Variants in CADM2 observed in about 807,000 individuals in gnomAD.
CADM2 encodes the protein immunoglobulin superfamily member 4D.
Under a neutral mutation model 49.8 loss-of-function variants are expected in CADM2, and 12 were observed. The ratio of observed to expected loss-of-function variants is 0.24; its 90% CI spans 0.15 to 0.39. CADM2 has a LOEUF of 0.39. CADM2 is among the 10% of genes least tolerant of loss of function. The probability of loss-of-function intolerance (pLI) is 1.00; values close to 1 mark genes in which losing one functional copy is unlikely to be tolerated. For missense variants in CADM2, 378 were observed against 492.3 expected (o/e 0.77, Z 2.20); for synonymous variants, 214 against 175.4 (o/e 1.22, Z -1.74).
chr3:85,015,868 C>T (rs538516276), intron 1 of CADM2, among the ~76,000 whole-genome samples: 3 of 152,046 alleles, frequency 2.0e-5, no homozygotes, highest in South Asian at 2.1e-4. Context: ...AGCAGGAATG[C>T]GAAGGCCTGG....
intron 2 of CADM2, among the ~76,000 whole-genome samples, chr3:85,756,102 G>A (rs1355938433): frequency 6.6e-6 from 1 of 152,052 alleles, no homozygotes; most frequent in Non-Finnish European, 1.5e-5. Flanking sequence ...CATGCCTATG[G>A]CTCAGAAAAT....
intron 1 of CADM2, among the ~76,000 whole-genome samples, chr3:85,038,365 G>C (rs541972277): frequency 2.0e-5 from 3 of 152,164 alleles, no homozygotes; most frequent in Non-Finnish European, 4.4e-5. Context: ...TCACATCCCA[G>C]AATATAACAA....
intron 1 of CADM2, among the ~76,000 whole-genome samples, chr3:85,027,073 T>C: frequency 6.6e-6 from 1 of 150,890 alleles, no homozygotes; most frequent in East Asian, 1.9e-4. Context: ...ACACTATTTT[T>C]TTTGTTGTTG....
chr3:85,089,761 A>C (rs539672188), intron 1 of CADM2, among the ~76,000 whole-genome samples: 17 of 152,178 alleles, frequency 1.1e-4, no homozygotes, highest in African/African-American at 2.9e-4. Flanking sequence ...TAATCCCCCC[A>C]AAAAAACACA....
intron 1 of CADM2, among the ~76,000 whole-genome samples, chr3:85,574,259 A>T (rs756621358): frequency 6.6e-6 from 1 of 152,222 alleles, no homozygotes; most frequent in African/African-American, 2.4e-5. Flanking sequence ...AATCATAAAC[A>T]AAGGATGGAT....
chr3:86,013,346 A>C (rs1300361524), intron 8 of CADM2: 17 of 1,540,504 alleles, frequency 1.1e-5, no homozygotes, highest in Non-Finnish European at 1.4e-5. Context: ...TAAAATCTCT[A>C]TTTGAATTAT....
At chr3:85,006,823 CCT>C (rs1163660661) in intron 1 of CADM2, among the ~76,000 whole-genome samples, 5 of 152,020 alleles carry the variant, frequency 3.3e-5, no homozygotes, top group Non-Finnish European at 5.9e-5. Context: ...ATCACCCATG[CCT>C]CTGTTTTAAT....
intron 1 of CADM2, among the ~76,000 whole-genome samples, chr3:85,195,653 G>C (rs183324662): frequency 6.6e-6 from 1 of 151,868 alleles, no homozygotes; most frequent in Admixed American, 6.6e-5. Context: ...CTGCAACAAA[G>C]TAGGCTATAA....
At chr3:85,735,070 C>A (rs1208406876) in intron 2 of CADM2, among the ~76,000 whole-genome samples, 1 of 151,596 alleles carries the variant, frequency 6.6e-6, no homozygotes, top group African/African-American at 2.4e-5. Context: ...ATAATTCAAT[C>A]ATTTCTTTAC....
At chr3:85,536,633 G>C (rs1315339764) in intron 1 of CADM2, among the ~76,000 whole-genome samples, 3 of 152,010 alleles carry the variant, frequency 2.0e-5, no homozygotes, top group African/African-American at 7.2e-5. Flanking sequence ...AGGAGGCTTT[G>C]CAGCCTTTTC....
chr3:85,494,471 G>A (rs1291905969), intron 1 of CADM2, among the ~76,000 whole-genome samples: 1 of 151,986 alleles, frequency 6.6e-6, no homozygotes, highest in Non-Finnish European at 1.5e-5. Flanking sequence ...ATGCATTTTT[G>A]TATCTATTTT....
intron 1 of CADM2, among the ~76,000 whole-genome samples, chr3:85,575,513 T>C (rs573457537): frequency 2.0e-5 from 3 of 152,090 alleles, no homozygotes; most frequent in Non-Finnish European, 4.4e-5. Flanking sequence ...ATGGCACCAC[T>C]GCACTCCAGC....
At chr3:85,469,427 C>T (rs1291009302) in intron 1 of CADM2, among the ~76,000 whole-genome samples, 1 of 152,074 alleles carries the variant, frequency 6.6e-6, no homozygotes, top group African/African-American at 2.4e-5. Flanking sequence ...CCTGTGTGGA[C>T]AGACACGCCA....
At chr3:85,019,638 G>T (rs1299646892) in intron 1 of CADM2, among the ~76,000 whole-genome samples, 1 of 152,062 alleles carries the variant, frequency 6.6e-6, no homozygotes, top group Non-Finnish European at 1.5e-5. Context: ...CCAAAATAGA[G>T]AAACAAGGCT....
At chr3:85,197,819 C>A (rs1017816357) in intron 1 of CADM2, among the ~76,000 whole-genome samples, 3 of 151,808 alleles carry the variant, frequency 2.0e-5, no homozygotes, top group Non-Finnish European at 4.4e-5. Context: ...CTTAGGAGTA[C>A]GTATATAATT....
At chr3:85,011,080 G>A (rs916752066) in intron 1 of CADM2, among the ~76,000 whole-genome samples, 1 of 151,684 alleles carries the variant, frequency 6.6e-6, no homozygotes. Context: ...TAGCCAGGAT[G>A]GTCTGGATCT....
At chr3:86,005,844 CT>C (rs1282638644) in intron 8 of CADM2, among the ~76,000 whole-genome samples, 3 of 152,088 alleles carry the variant, frequency 2.0e-5, no homozygotes, top group African/African-American at 7.2e-5. Flanking sequence ...ATTAACTACC[CT>C]CACCTCCCCC....
chr3:85,040,069 C>T (rs954032075), intron 1 of CADM2, among the ~76,000 whole-genome samples: 26 of 152,130 alleles, frequency 1.7e-4, no homozygotes, highest in African/African-American at 6.0e-4. Flanking sequence ...TATAAGCACA[C>T]AAATATTGAG....
At chr3:85,772,008 C>CTTT (rs397938377) in intron 2 of CADM2, among the ~76,000 whole-genome samples, 28 of 112,152 alleles carry the variant, frequency 2.5e-4, no homozygotes, top group Non-Finnish European at 3.3e-4. Context: ...TTCTTTCTTT[C>CTTT]TTTTTTTTTT....
Sources: allele counts gnomAD v4.1 joint callset (sites outside exome capture counted in the v4.1 genomes callset), GRCh38; gene constraint gnomAD v4.1.1; transcripts MANE v1.5; gene names NCBI Gene and HGNC (gene_info 2026-07-23, HGNC 2026-07-21).